CACNG2: variants seen among roughly 807,000 people sequenced by gnomAD.
CACNG2 encodes calcium voltage-gated channel auxiliary subunit gamma 2, also known as voltage-dependent calcium channel gamma-2 subunit.
Under a neutral mutation model 25.9 loss-of-function variants are expected in CACNG2, and 3 were observed. The observed-to-expected ratio is 0.12, with a 90% confidence interval of 0.05 to 0.30. The LOEUF (loss-of-function observed/expected upper bound fraction) is 0.30. Ranked by LOEUF, CACNG2 falls within the 10% of genes least tolerant of loss-of-function variation. The pLI, the probability that CACNG2 is intolerant of heterozygous loss-of-function variation, is 1.00. For missense variants in CACNG2, 341 were observed against 432.5 expected, an observed-to-expected ratio of 0.79 and a Z score of 1.88; for synonymous variants, 167 against 173.3, an observed-to-expected ratio of 0.96 and a Z score of 0.29.
intron 1 of CACNG2, among the ~76,000 whole-genome samples, chr22:36,690,871 C>G (rs1937260082): frequency 6.6e-6 from 1 of 152,202 alleles, no homozygotes; most frequent in South Asian, 2.1e-4. Context: ...TATTCACTCA[C>G]TCATTCATTC....
intron 1 of CACNG2, among the ~76,000 whole-genome samples, chr22:36,657,841 C>T (rs1601440301): frequency 6.6e-6 from 1 of 152,114 alleles, no homozygotes; most frequent in East Asian, 1.9e-4. Flanking sequence ...AGCTCTGGAG[C>T]CCCCGGGAGC....
intron 2 of CACNG2, among the ~76,000 whole-genome samples, chr22:36,576,599 T>C (rs1473628133): frequency 6.7e-6 from 1 of 149,140 alleles, no homozygotes; most frequent in Non-Finnish European, 1.5e-5. Flanking sequence ...TGTATGTGTG[T>C]GTGTGTGTGA....
intron 1 of CACNG2, among the ~76,000 whole-genome samples, chr22:36,651,076 T>C (rs1936605131): frequency 6.6e-6 from 1 of 152,138 alleles, no homozygotes; most frequent in South Asian, 2.1e-4. Context: ...TTTTTCTCCT[T>C]AGCTCTTGTC....
chr22:36,581,949 G>A (rs527598794), intron 2 of CACNG2, among the ~76,000 whole-genome samples: 5 of 152,146 alleles, frequency 3.3e-5, no homozygotes, highest in Non-Finnish European at 5.9e-5. Flanking sequence ...CCATGGGCAC[G>A]GCCCCTTGGC....
At chr22:36,646,259 C>A (rs1336778812) in intron 1 of CACNG2, among the ~76,000 whole-genome samples, 2 of 152,082 alleles carry the variant, frequency 1.3e-5, no homozygotes, top group Non-Finnish European at 2.9e-5. Flanking sequence ...TACCCCCTGT[C>A]CTTTAATGTT....
intron 1 of CACNG2, among the ~76,000 whole-genome samples, chr22:36,655,713 CTCTTTCTTTCTTT>C (rs1005074510): frequency 6.8e-5 from 9 of 133,228 alleles, no homozygotes; most frequent in Non-Finnish European, 1.0e-4. Context: ...CTTTCTCTTT[CTCTTTCTTTCTTT>C]TCTTTCTTTC....
At chr22:36,677,462 T>G (rs1424465292) in intron 1 of CACNG2, among the ~76,000 whole-genome samples, 2 of 152,186 alleles carry the variant, frequency 1.3e-5, no homozygotes, top group Non-Finnish European at 2.9e-5. Flanking sequence ...TGTCTTCCTC[T>G]GGGGTGGGTC....
intron 1 of CACNG2, among the ~76,000 whole-genome samples, chr22:36,620,893 C>G (rs1397513625): frequency 6.6e-6 from 1 of 152,230 alleles, no homozygotes; most frequent in African/African-American, 2.4e-5. Flanking sequence ...TTGAGTTGCA[C>G]TTCCTCTGGG....
At chr22:36,591,029 T>TG (rs71676061) in intron 1 of CACNG2, among the ~76,000 whole-genome samples, 2 of 151,292 alleles carry the variant, frequency 1.3e-5, no homozygotes, top group African/African-American at 4.9e-5. Flanking sequence ...TGCTCTATGT[T>TG]GGGGGGAGAT....
At chr22:36,684,676 T>C (rs987364394) in intron 1 of CACNG2, among the ~76,000 whole-genome samples, 9 of 152,114 alleles carry the variant, frequency 5.9e-5, no homozygotes, top group African/African-American at 1.9e-4. Context: ...AGTCCTGATT[T>C]AAAACAACAG....
chr22:36,666,894 G>T (rs16997141), intron 1 of CACNG2, among the ~76,000 whole-genome samples: 1 of 151,506 alleles, frequency 6.6e-6, no homozygotes, highest in Non-Finnish European at 1.5e-5. Context: ...CTGCCAGCAC[G>T]TTGCTCTTTC....
rs115647780 is a variant in CACNG2, at chr22:36,667,606, A to G, written c.211+34760T>C. Among the ~76,000 whole-genome samples the G allele has an allele frequency of 2.0e-3, 302 of 152,320 alleles. 1 individual carries two copies. The highest frequency in any genetic ancestry group is 0.01 in the Middle Eastern group (3 of 294). ...TACAAAGTAAGCATATGCCTAGGTGATGGGAGATACGGAACCCACGGGGAA... is the reference window on the plus strand; with the variant it reads ...TACAAAGTAAGCATATGCCTAGGTGGTGGGAGATACGGAACCCACGGGGAA... On this transcript the variant is annotated intron_variant, in intron 1 of 3. Transcript: ENST00000300105.
chr22:36,672,373 G>C (rs2059254871), intron 1 of CACNG2, among the ~76,000 whole-genome samples: 1 of 152,062 alleles, frequency 6.6e-6, no homozygotes, highest in African/African-American at 2.4e-5. Context: ...GCCCAGCCTG[G>C]TCTTAACCTC....
intron 1 of CACNG2, among the ~76,000 whole-genome samples, chr22:36,697,226 A>G (rs1484865888): frequency 1.3e-5 from 2 of 152,132 alleles, no homozygotes; most frequent in East Asian, 3.8e-4. Flanking sequence ...CGTCACCCTG[A>G]AAGGTGCAAA....
At chr22:36,630,614 C>T (rs973962335) in intron 1 of CACNG2, among the ~76,000 whole-genome samples, 4 of 152,106 alleles carry the variant, frequency 2.6e-5, no homozygotes, top group East Asian at 3.9e-4. Context: ...GAACCCAAAC[C>T]TTGAAGCTTC....
At chr22:36,596,554 G>A (rs1352485531) in intron 1 of CACNG2, among the ~76,000 whole-genome samples, 5 of 152,078 alleles carry the variant, frequency 3.3e-5, no homozygotes, top group Admixed American at 6.6e-5. Context: ...GGGTAGTTTC[G>A]AATGCCTACT....
At chr22:36,650,800 A>G (rs1187276208) in intron 1 of CACNG2, among the ~76,000 whole-genome samples, 2 of 152,166 alleles carry the variant, frequency 1.3e-5, no homozygotes, top group Non-Finnish European at 2.9e-5. Context: ...GATTTTAGGC[A>G]TGAGCCACCG....
At chr22:36,612,259 C>G (rs920998747) in intron 1 of CACNG2, among the ~76,000 whole-genome samples, 7 of 152,166 alleles carry the variant, frequency 4.6e-5, no homozygotes, top group Admixed American at 4.6e-4. Context: ...TGATAAGTAT[C>G]TACTGGGGTA....
chr22:36,569,178 C>T (rs774573543), intron 2 of CACNG2, among the ~76,000 whole-genome samples: 10 of 152,116 alleles, frequency 6.6e-5, no homozygotes, highest in East Asian at 1.9e-4. Context: ...AACACCCATT[C>T]GGTGTTGGGT....
Sources: gnomAD v4.1 joint callset for allele counts (sites outside exome capture counted in the v4.1 genomes callset) on GRCh38, gnomAD v4.1.1 for gene constraint, MANE v1.5 for transcripts, NCBI Gene and HGNC (gene_info 2026-07-23, HGNC 2026-07-21) for gene names.